COL16A1: variants seen among roughly 807,000 people sequenced by gnomAD.
COL16A1 encodes the protein collagen type XVI alpha 1 chain, also known as collagen alpha-1(XVI) chain.
A neutral mutation model predicts 266.3 loss-of-function variants in COL16A1; 189 were observed. That is an observed-to-expected ratio of 0.71 (90% CI 0.63 to 0.80). The LOEUF is 0.80. COL16A1 is among the 30% of genes least tolerant of loss of function. The pLI, the probability that COL16A1 is intolerant of heterozygous loss-of-function variation, is 0.00. For missense variants in COL16A1, 1,928 were observed against 2,122.4 expected, an observed-to-expected ratio of 0.91 and a Z score of 1.80; for synonymous variants, 740 against 782.3, an observed-to-expected ratio of 0.95 and a Z score of 0.90.
rs1253183919 is a variant in COL16A1, at chr1:31,698,445, A to G, written c.390+38T>C. 1 of 1,612,652 alleles carries G rather than the reference A, an allele frequency of 6.2e-7. No homozygotes were observed. ...AGGTGGGCTGGACTGGTGCTACCCA[A>G]TGCCCTAAGAGGCAATCAGGGCACA... On this transcript the variant is annotated intron_variant, in intron 5 of 70. Transcript: ENST00000373672. This position sits in a 1 kb window ranked among gnomAD's most constrained non-coding sequence, Gnocchi z 4.1.
At chr1:31,655,669 A>G in intron 66 of COL16A1, 167 bp from the exon 67 acceptor site, 1 of 1,181,252 alleles carries the variant, frequency 8.5e-7, no homozygotes, top group South Asian at 1.5e-5. Flanking sequence ...TCCTTCTAGA[A>G]GACAGTTCTC....
chr1:31,683,134 C>G lies in COL16A1; in HGVS notation c.2469+60G>C, dbSNP rs998909120. ...TCACTTGGCCCCCATGTCCCCTGTG[C>G]CTGCTTCTGGGACACTCTGGAATAC... On this transcript the variant is annotated intron_variant, in intron 36 of 70. Transcript: ENST00000373672. 5.6e-6 allele frequency: 9 copies of G among 1,612,042 alleles called. No homozygotes were observed. The African/African-American group carries it at 1.1e-4, about 19-fold the overall frequency.
In COL16A1 at chr1:31,657,152, C is replaced by A; in HGVS notation, c.4021-84G>T. ...CCTCACTTTGTACATGGGGCAAGCCCAGCCCCCTGTTCCACCCAGAGGCCA... is the reference window on the plus strand; with the variant it reads ...CCTCACTTTGTACATGGGGCAAGCCAAGCCCCCTGTTCCACCCAGAGGCCA... On this transcript the variant is annotated intron_variant, in intron 64 of 70. Coordinates refer to ENST00000373672, the MANE Select transcript of COL16A1 (RefSeq NM_001856.4). This position sits in a 1 kb window ranked among gnomAD's most constrained non-coding sequence, Gnocchi z 6.4. 6.4e-7 allele frequency: 1 copy of A among 1,556,204 alleles called. No homozygotes were observed. The highest frequency in any genetic ancestry group is 1.9e-4 in the Middle Eastern group (1 of 5,386).
intron 34 of COL16A1, among the ~76,000 whole-genome samples, 154 bp from the exon 35 acceptor site, chr1:31,683,523 G>A (rs1191506731): frequency 2.0e-5 from 3 of 152,196 alleles, no homozygotes; most frequent in African/African-American, 7.2e-5. Flanking sequence ...GAGAGGCTGG[G>A]GTCAAAGGCA....
At chr1:31,662,188 AGAGGGAGACAGACC>A in intron 58 of COL16A1, 132 bp downstream of exon 58, 2 of 1,436,144 alleles carry the variant, frequency 1.4e-6, no homozygotes, top group Non-Finnish European at 1.9e-6. Flanking sequence ...GAGCTGGGGT[AGAGGGAGACAGACC>A]GAGGGAGGGC....
Position 31,665,563 on chromosome 1 carries a change from T to C in COL16A1, c.3492+20A>G. 6.2e-7 allele frequency: 1 copy of C among 1,614,072 alleles called. No homozygotes were observed. The highest frequency in any genetic ancestry group is 8.5e-7 in the Non-Finnish European group (1 of 1,179,988). Reference sequence around the variant, plus strand: ...TGAGACCACATCAGACAGAGCTGGCTTTGTGTCTTCTTCACTCACCGGTGG... The same window carrying C: ...TGAGACCACATCAGACAGAGCTGGCCTTGTGTCTTCTTCACTCACCGGTGG... On this transcript the variant is annotated intron_variant, in intron 55 of 70. Coordinates refer to ENST00000373672, the MANE Select transcript of COL16A1 (RefSeq NM_001856.4).
chr1:31,655,439 C>G lies in COL16A1; in HGVS notation c.4165G>C (p.Gly1389Arg), dbSNP rs932786201. ...ATGGAACCACTCTTGCCAGGTCCAC[C>G]AGGCATGCCGGCTCTCCCCTTCTCT... ...AGEKGRAGMP[G>R]GPGKSGSMGP... The change falls in exon 67 of 71, where the codon GGT (glycine) becomes CGT (arginine). Residue 1389 changes from glycine (G) to arginine (R), a missense_variant. Physicochemically the swap from Gly to Arg is moderately radical, Grantham distance 125. Transcript: ENST00000373672. The G allele has an allele frequency of 6.2e-7, 1 of 1,614,218 alleles. No homozygotes were observed. Among genetic ancestry groups the G allele is most frequent in the African/African-American group, 1.3e-5 (1 of 75,060 alleles).
At position 31,685,619 on chromosome 1, in the gene COL16A1, C is replaced by T. The variant is rs748693907; in HGVS notation, c.2016+20G>A. The T allele has an allele frequency of 1.2e-6, 2 of 1,612,300 alleles. No individual in the cohort carries two copies. The highest frequency in any genetic ancestry group is 8.5e-7 in the Non-Finnish European group (1 of 1,178,796). On this transcript the variant is annotated intron_variant, in intron 29 of 70. Transcript: ENST00000373672. The surrounding 1 kb of genome is among the most constrained non-coding windows in gnomAD (Gnocchi z 4.0). Reference sequence around the variant, plus strand: ...GCCTGCATCCCCCGTCCAGAGGCCCCTGCCTATATCCCACCTCACCTGTTT... The same window carrying T: ...GCCTGCATCCCCCGTCCAGAGGCCCTTGCCTATATCCCACCTCACCTGTTT...
In COL16A1 at chr1:31,697,820, A is replaced by C; in HGVS notation, c.657+86T>G. The C allele has an allele frequency of 1.4e-6, 2 of 1,448,018 alleles. No individual in the cohort carries two copies. The highest frequency in any genetic ancestry group is 2.7e-5 in the South Asian group (2 of 74,630). The allele number at this position is 1,448,018 out of a possible 1,614,324, so 89.7% of individuals were successfully genotyped here. On this transcript the variant is annotated intron_variant, in intron 6 of 70. Coordinates refer to ENST00000373672, the MANE Select transcript of COL16A1 (RefSeq NM_001856.4). The surrounding 1 kb of genome is among the most constrained non-coding windows in gnomAD (Gnocchi z 4.2). The stretch of plus-strand genomic sequence containing the variant: ...GCAGGGGAAGATTCTAAGCAGGAGA[A>C]GGACTTGTTCCGATACGGATTCCAG...
chr1:31,653,194 C>G lies in COL16A1; in HGVS notation c.4613-341G>C, dbSNP rs561724867. ...CCTCTGGTAAGTTGTGATGCTGGGT[C>G]TCAGAGCCAGGTCATCAGGCTTTGG... is the stretch of plus-strand genomic sequence containing the variant. On this transcript the variant is annotated intron_variant, in intron 70 of 70. Coordinates refer to ENST00000373672, the MANE Select transcript of COL16A1 (RefSeq NM_001856.4). Among the ~76,000 whole-genome samples, 8 of 152,358 alleles carry G rather than the reference C, an allele frequency of 5.3e-5. No individual in the cohort carries two copies. In the East Asian group the frequency reaches 1.5e-3, roughly 29 times the overall value.
At chr1:31,695,942 G>C in intron 9 of COL16A1, 146 bp downstream of exon 9, 1 of 984,482 alleles carries the variant, frequency 1.0e-6, no homozygotes, top group Non-Finnish European at 1.6e-6. Context: ...CTTGATCAGA[G>C]CTGGCACCTA....
rs767090119 is a variant in COL16A1, at chr1:31,684,570, A to G, written c.2113T>C (p.Ser705Pro). 1.2e-6 allele frequency: 2 copies of G among 1,613,584 alleles called. No individual in the cohort carries two copies. The highest frequency in any genetic ancestry group is 2.7e-5 in the African/African-American group (2 of 74,862). Residue 705 changes from serine to proline, a missense_variant, in exon 31 of 71, where the codon TCA becomes CCA. This residue lies in a region of COL16A1 where 1,552 missense variants were observed against 1,637.2 expected (regional missense o/e 0.95). Transcript: ENST00000373672. ...GGGCCCTGAACTCCAGGCTCTCCTG[A>G]CAGTCCTGGCCGCCCTGTGGTGCCC... ...TPGTTGRPGL[S>P]GEPGVQGPAG... is the part of the protein sequence containing the mutation.
chr1:31,691,438 C>T lies in COL16A1; in HGVS notation c.1377G>A (p.Gly459=). 6.2e-7 allele frequency: 1 copy of T among 1,612,656 alleles called. No individual in the cohort carries two copies. The highest frequency in any genetic ancestry group is 1.1e-5 in the South Asian group (1 of 90,950). The change falls in exon 19 of 71, where the codon GGG becomes GGA. Residue 459 remains glycine, a synonymous_variant. Coordinates refer to ENST00000373672, the MANE Select transcript of COL16A1 (RefSeq NM_001856.4). Reference sequence around the variant, plus strand: ...TCACCGGGGTCCCAGGCAGTCCTATCCCAGGGGGTCCAGGGAGGCCGGGGG... The same window carrying T: ...TCACCGGGGTCCCAGGCAGTCCTATTCCAGGGGGTCCAGGGAGGCCGGGGG... ...PGPPGLPGPP[G]IGLPGTPGDP... is the part of the protein sequence containing the mutation.
chr1:31,656,506 G>C lies in COL16A1; in HGVS notation c.4057-62C>G, dbSNP rs1641162782. The C allele has an allele frequency of 1.9e-6, 3 of 1,589,930 alleles. 1 individual carries two copies. Among genetic ancestry groups the C allele is most frequent in the Middle Eastern group, 3.6e-4 (2 of 5,494 alleles). ...AGCATCTCTGAGGCTCCCTGGGGAG[G>C]CAGGTGCAGTGAAGAGGCCCCTTCC... On this transcript the variant is annotated intron_variant, in intron 65 of 70. Transcript: ENST00000373672. This position sits in a 1 kb window ranked among gnomAD's most constrained non-coding sequence, Gnocchi z 4.2.
At chr1:31,692,837 TGGGAACTCCTG>T in intron 13 of COL16A1, 29 bp from the exon 14 acceptor site, 2 of 1,604,836 alleles carry the variant, frequency 1.2e-6, no homozygotes. Flanking sequence ...GGATCAGGGG[TGGGAACTCCTG>T]GGGAAGTCCC....
In COL16A1 at chr1:31,697,695, A is replaced by T. The variant is rs1365450247; in HGVS notation, c.657+211T>A. 1.3e-5 allele frequency among the ~76,000 whole-genome samples: 2 copies of T among 152,174 alleles called. No homozygotes were observed. Among genetic ancestry groups the T allele is most frequent in the Non-Finnish European group, 1.5e-5 (1 of 68,024 alleles). ...AGAGCAGAGCTGCACGGAGAGATGT[A>T]AAGGAAGATGGTGCTGCAGACACTT... On this transcript the variant is annotated intron_variant, in intron 6 of 70. Transcript: ENST00000373672. The surrounding 1 kb of genome is among the most constrained non-coding windows in gnomAD (Gnocchi z 4.2).
Position 31,670,678 on chromosome 1 carries a change from CA to C in COL16A1, c.3151-33del, listed in dbSNP as rs1441361100. ...GGAGAAACAGGCAGGTCACATCTCA[CA>C]GGCACAGTAACCCTGGGACAGCCTG... On this transcript the variant is annotated intron_variant, in intron 48 of 70. Coordinates refer to ENST00000373672, the MANE Select transcript of COL16A1 (RefSeq NM_001856.4). This position sits in a 1 kb window ranked among gnomAD's most constrained non-coding sequence, Gnocchi z 4.5. 1 of 1,426,492 alleles carries C rather than the reference CA, an allele frequency of 7.0e-7. No homozygotes were observed. 88.4% of individuals were successfully genotyped at this position (1,426,492 alleles called of 1,614,324 possible).
At chr1:31,658,848 A>G in intron 63 of COL16A1, 66 bp downstream of exon 63, 6 of 1,525,440 alleles carry the variant, frequency 3.9e-6, no homozygotes, top group Middle Eastern at 1.8e-4. Context: ...CTTCCTCTGA[A>G]TGGAGCCCAC....
chr1:31,654,185 G>C (rs2148641367), intron 68 of COL16A1, 142 bp from the exon 69 acceptor site: 1 of 1,276,718 alleles, frequency 7.8e-7, no homozygotes. Context: ...GAGTATGGGG[G>C]TGGGTCTCGC....
Sources: gnomAD v4.1 joint callset for allele counts (sites outside exome capture counted in the v4.1 genomes callset) on GRCh38, gnomAD v4.1.1 for gene constraint, gnomAD v4.1.1 regional missense constraint, Gnocchi (gnomAD v3.1) non-coding constraint, MANE v1.5 for transcripts, NCBI Gene and HGNC (gene_info 2026-07-23, HGNC 2026-07-21) for gene names.